EFTUD2: variants seen among roughly 807,000 people sequenced by gnomAD.
EFTUD2 encodes the protein elongation factor Tu GTP binding domain containing 2.
A neutral mutation model predicts 114.3 loss-of-function variants in EFTUD2; 9 were observed. The ratio of observed to expected loss-of-function variants is 0.08; its 90% confidence interval spans 0.05 to 0.14. EFTUD2 has a LOEUF of 0.14. Ranked by LOEUF, EFTUD2 falls within the 10% of genes least tolerant of loss-of-function variation. The pLI, the probability that EFTUD2 is intolerant of heterozygous loss-of-function variation, is 1.00. For synonymous variants in EFTUD2, 449 were observed against 462.3 expected, an observed-to-expected ratio of 0.97 and a Z score of 0.37; for missense variants, 765 against 1,241.2, an observed-to-expected ratio of 0.62 and a Z score of 5.76.
chr17:44,892,587 T>C (rs556524919), intron 2 of EFTUD2, among the ~76,000 whole-genome samples: 1 of 152,054 alleles, frequency 6.6e-6, no homozygotes, highest in African/African-American at 2.4e-5. Context: ...TGAGAATGTA[T>C]TCATGAATTA....
At chr17:44,867,991 C>T in intron 12 of EFTUD2, 94 bp from the exon 13 acceptor site, 4 of 1,220,204 alleles carry the variant, frequency 3.3e-6, no homozygotes, top group South Asian at 1.5e-5. Context: ...TGAACAACAG[C>T]CCAGGGGAGG....
chr17:44,851,931 T>A, intron 26 of EFTUD2, 114 bp from the exon 27 acceptor site: 1 of 984,934 alleles, frequency 1.0e-6, no homozygotes, highest in Non-Finnish European at 1.4e-6. Flanking sequence ...ATTATTATTT[T>A]TTTGAGATGG....
At chr17:44,895,592 A>G (rs2878972) in intron 1 of EFTUD2, among the ~76,000 whole-genome samples, 101,632 of 151,998 alleles carry the variant, frequency 0.67, 34,792 homozygotes, top group African/African-American at 0.82. Flanking sequence ...GCAGAGTTGA[A>G]TAGTTGAGAC....
intron 13 of EFTUD2, among the ~76,000 whole-genome samples, chr17:44,866,222 G>A (rs925169373): frequency 2.6e-5 from 4 of 151,946 alleles, no homozygotes; most frequent in Admixed American, 2.0e-4. Flanking sequence ...AGTTAAGAAA[G>A]CAAAGTTCAT....
rs1366107403 is a variant in EFTUD2 at position 44,863,760 on chromosome 17, C to G, written c.1308G>C (p.Gln436His). Reference sequence around the variant, plus strand: ...CGCCCACCTTTGGAGAAGGGATATGCTGCACACACATGTCCACAAAGCCTG... The same window carrying G: ...CGCCCACCTTTGGAGAAGGGATATGGTGCACACACATGTCCACAAAGCCTG... The part of the protein sequence containing the change: ...EFTGFVDMCV[Q>H]HIPSPKVGAK... The change falls in exon 15 of 28, where the codon CAG (glutamine) becomes CAC (histidine). Residue 436 changes from glutamine to histidine, a missense_variant. Physicochemically the swap from Gln to His is conservative, Grantham distance 24 (BLOSUM62 0). This residue lies in a region of EFTUD2 where 59 missense variants were observed against 50.1 expected (regional missense o/e 1.18). Transcript: ENST00000426333. 6.2e-7 allele frequency: 1 copy of G among 1,614,150 alleles called. No individual in the cohort carries two copies. The highest frequency in any genetic ancestry group is 8.5e-7 in the Non-Finnish European group (1 of 1,179,984).
chr17:44,883,585 G>T, intron 5 of EFTUD2, 64 bp downstream of exon 5: 1 of 1,487,292 alleles, frequency 6.7e-7, no homozygotes, highest in Non-Finnish European at 9.4e-7. Flanking sequence ...TGACTCTAAG[G>T]GCTAAAACAT....
chr17:44,864,648 A>G (rs1439849828), intron 14 of EFTUD2, among the ~76,000 whole-genome samples: 1 of 152,094 alleles, frequency 6.6e-6, no homozygotes, highest in Non-Finnish European at 1.5e-5. Flanking sequence ...TGCCCCCTGG[A>G]AAATATACCA....
intron 9 of EFTUD2, among the ~76,000 whole-genome samples, chr17:44,878,784 A>G (rs1483031246): frequency 6.6e-6 from 1 of 152,226 alleles, no homozygotes; most frequent in Non-Finnish European, 1.5e-5. Context: ...TTCCAAAATG[A>G]AAAGTCAGTT....
intron 19 of EFTUD2, chr17:44,857,514 C>T: frequency 3.6e-6 from 1 of 278,448 alleles, no homozygotes; most frequent in East Asian, 8.3e-5. Flanking sequence ...CTGAGACCCA[C>T]TGGCGTGCAC....
In EFTUD2 at chr17:44,850,379, G is replaced by T; in HGVS notation, c.*895C>A. ...CGATTACGTCAAGAGGATGGCACAGGATGCTGGAGAGAAGTAGGACTCCTA... is the reference window on the plus strand; with the variant it reads ...CGATTACGTCAAGAGGATGGCACAGTATGCTGGAGAGAAGTAGGACTCCTA... On this transcript the variant is annotated 3_prime_UTR_variant, in exon 28 of 28. Coordinates refer to ENST00000426333, the MANE Select transcript of EFTUD2 (RefSeq NM_004247.4). 1 of 1,613,126 alleles carries T rather than the reference G, an allele frequency of 6.2e-7. No homozygotes were observed. The highest frequency in any genetic ancestry group is 8.5e-7 in the Non-Finnish European group (1 of 1,179,402).
chr17:44,895,160 A>C (rs1340134113), intron 1 of EFTUD2, among the ~76,000 whole-genome samples: 1 of 152,270 alleles, frequency 6.6e-6, no homozygotes, highest in Non-Finnish European at 1.5e-5. Context: ...GATACATGAA[A>C]ATTAATTATA....
Position 44,868,269 on chromosome 17 carries a change from G to A in EFTUD2, c.1058+18C>T, listed in dbSNP as rs1018709117. On this transcript the variant is annotated intron_variant, in intron 12 of 27. Coordinates refer to ENST00000426333, the MANE Select transcript of EFTUD2 (RefSeq NM_004247.4). ...AATGATCACCCCTCTGGAAAGTCACGTCCCATACTCTACTTACGTCTTAGG... is the reference window on the plus strand; with the variant it reads ...AATGATCACCCCTCTGGAAAGTCACATCCCATACTCTACTTACGTCTTAGG... 1.2e-5 allele frequency: 19 copies of A among 1,610,328 alleles called. No homozygotes were observed. Among genetic ancestry groups the A allele is most frequent in the African/African-American group, 2.7e-5 (2 of 74,620 alleles).
chr17:44,889,216 G>A (rs142353273), intron 2 of EFTUD2, among the ~76,000 whole-genome samples: 62 of 152,290 alleles, frequency 4.1e-4, no homozygotes, highest in Admixed American at 3.7e-3. Context: ...TTGGGATTTC[G>A]CAAGGCAGAG....
chr17:44,865,231 C>A, intron 13 of EFTUD2, 166 bp from the exon 14 acceptor site: 1 of 923,854 alleles, frequency 1.1e-6, no homozygotes. Context: ...AGCGGCATCT[C>A]TGCTACCTAC....
At chr17:44,877,923 G>C (rs2050998113) in intron 9 of EFTUD2, among the ~76,000 whole-genome samples, 1 of 152,076 alleles carries the variant, frequency 6.6e-6, no homozygotes, top group African/African-American at 2.4e-5. Flanking sequence ...CTTGAGGTCA[G>C]GAGTTCGAGA....
chr17:44,885,389 C>CG, intron 3 of EFTUD2, 55 bp from the exon 4 acceptor site: 1 of 1,184,388 alleles, frequency 8.4e-7, no homozygotes, highest in Non-Finnish European at 1.3e-6. Context: ...CATAAAAATA[C>CG]GGAACACTAT....
At chr17:44,891,700 A>G (rs544334816) in intron 2 of EFTUD2, 1 of 152,258 alleles carries the variant, frequency 6.6e-6, no homozygotes, top group African/African-American at 2.4e-5. Flanking sequence ...TTATAGAGAT[A>G]TAATTCACAT....
intron 16 of EFTUD2, among the ~76,000 whole-genome samples, chr17:44,861,686 T>C (rs554939033): frequency 1.3e-5 from 2 of 151,894 alleles, no homozygotes; most frequent in South Asian, 4.2e-4. Flanking sequence ...TAAGCCGAGA[T>C]CACAGGCACT....
In EFTUD2 at chr17:44,851,293, A is replaced by T; in HGVS notation, c.2900T>A (p.Val967Glu). ...MLLELAKQDV[V>E]LNYPM ...ACGCACTCACATGGGGTAATTGAGCACAACATCCTGTTTGGCAAGTTCCAG... is the reference window on the plus strand; with the variant it reads ...ACGCACTCACATGGGGTAATTGAGCTCAACATCCTGTTTGGCAAGTTCCAG... Residue 967 changes from valine to glutamate, a missense_variant, in exon 28 of 28, where the codon GTG (valine) becomes GAG (glutamate). Val to Glu is a moderately radical substitution (Grantham distance 121, BLOSUM62 -2). This residue lies in a region of EFTUD2 where 166 missense variants were observed against 401.5 expected (regional missense o/e 0.41). Coordinates refer to ENST00000426333, the MANE Select transcript of EFTUD2 (RefSeq NM_004247.4). The T allele has an allele frequency of 6.2e-7, 1 of 1,614,202 alleles. No homozygotes were observed. Among genetic ancestry groups the T allele is most frequent in the East Asian group, 2.2e-5 (1 of 44,884 alleles).
Sources: allele counts gnomAD v4.1 joint callset (sites outside exome capture counted in the v4.1 genomes callset), GRCh38; gene constraint gnomAD v4.1.1; regional missense constraint gnomAD v4.1.1; transcripts MANE v1.5; gene names NCBI Gene and HGNC (gene_info 2026-07-23, HGNC 2026-07-21).